ZNF248: variants seen among roughly 807,000 people sequenced by gnomAD.
ZNF248 encodes zinc finger protein 248.
A neutral mutation model predicts 44.3 loss-of-function variants in ZNF248; 20 were observed. The ratio of observed to expected loss-of-function variants is 0.45; its 90% CI spans 0.32 to 0.66. The LOEUF is 0.66. Ranked by LOEUF, ZNF248 falls within the 30% of genes least tolerant of loss-of-function variation. The probability of loss-of-function intolerance (pLI) is 0.04; values close to 1 mark genes in which losing one functional copy is unlikely to be tolerated. For missense variants in ZNF248, 654 were observed against 677.0 expected, an observed-to-expected ratio of 0.97 and a Z score of 0.38; for synonymous variants, 224 against 229.0, an observed-to-expected ratio of 0.98 and a Z score of 0.20.
intron 3 of ZNF248, among the ~76,000 whole-genome samples, chr10:37,843,049 C>T (rs1447323194): frequency 6.6e-6 from 1 of 152,166 alleles, no homozygotes; most frequent in Middle Eastern, 3.2e-3. Flanking sequence ...TTGTCTTTAT[C>T]ACCAGGGATT....
intron 6 of ZNF248, among the ~76,000 whole-genome samples, chr10:37,810,743 A>G (rs2051356101): frequency 6.6e-6 from 1 of 152,224 alleles, no homozygotes; most frequent in Non-Finnish European, 1.5e-5. Flanking sequence ...AATTTATTAA[A>G]ACATACACAA....
intron 6 of ZNF248, among the ~76,000 whole-genome samples, chr10:37,790,210 G>T (rs2048334938): frequency 6.6e-6 from 1 of 150,618 alleles, no homozygotes. Flanking sequence ...GGCGGAGCTT[G>T]CAGTGAGCCG....
In ZNF248 at chr10:37,845,293, C is replaced by T. The variant is rs567479992; in HGVS notation, c.16-7182G>A. 1.2e-4 allele frequency among the ~76,000 whole-genome samples: 18 copies of T among 151,420 alleles called. No individual in the cohort carries two copies. The South Asian group carries it at 1.7e-3, about 14-fold the overall frequency. Reference sequence around the variant, plus strand: ...TTAGCCTTCCAAAGTGCTGGGATTACGGGCAAGAGCCACCATGCTCGGCCA... The same window carrying T: ...TTAGCCTTCCAAAGTGCTGGGATTATGGGCAAGAGCCACCATGCTCGGCCA... On this transcript the variant is annotated intron_variant, in intron 3 of 5. Transcript: ENST00000395867.
chr10:37,834,594 A>C (rs2056697346), intron 5 of ZNF248, among the ~76,000 whole-genome samples: 2 of 152,186 alleles, frequency 1.3e-5, no homozygotes, highest in Non-Finnish European at 2.9e-5. Flanking sequence ...TCTCAATGCA[A>C]AAAGAAACCC....
downstream of ZNF248, among the ~76,000 whole-genome samples, chr10:37,824,574 T>C (rs2054034381): frequency 6.6e-6 from 1 of 150,532 alleles, no homozygotes; most frequent in African/African-American, 2.4e-5. Context: ...TATGGAAATA[T>C]AAAATTTAAA....
At position 37,856,420 on chromosome 10, in the gene ZNF248, A is replaced by G; in HGVS notation, c.-28+15T>C. On this transcript the variant is annotated intron_variant, in intron 2 of 5. Transcript: ENST00000395867. Reference sequence around the variant, plus strand: ...GATTCACCTGCCTATACAGGTCCACACACAAGATACTTACGTGTCCATGTG... The same window carrying G: ...GATTCACCTGCCTATACAGGTCCACGCACAAGATACTTACGTGTCCATGTG... The G allele has an allele frequency of 6.4e-7, 1 of 1,550,426 alleles. No individual in the cohort carries two copies. Among genetic ancestry groups the G allele is most frequent in the Admixed American group, 1.9e-5 (1 of 51,952 alleles).
At chr10:37,777,985 G>T (rs1461928147) in intron 6 of ZNF248, among the ~76,000 whole-genome samples, 2 of 151,800 alleles carry the variant, frequency 1.3e-5, no homozygotes, top group Non-Finnish European at 2.9e-5. Context: ...GAATAGTGCT[G>T]CAATAAACAT....
chr10:37,776,319 C>G (rs918242044), downstream of ZNF248: 4 of 347,306 alleles, frequency 1.2e-5, no homozygotes, highest in Non-Finnish European at 2.1e-5. Flanking sequence ...TGGTCCAAAC[C>G]TTTCATCATA....
chr10:37,821,867 T>C (rs907089858), intron 6 of ZNF248, among the ~76,000 whole-genome samples: 1 of 152,150 alleles, frequency 6.6e-6, no homozygotes, highest in Admixed American at 6.5e-5. Context: ...ACCACTGAAC[T>C]CCCCTCAAAC....
chr10:37,821,844 G>C (rs2053523312), intron 6 of ZNF248, among the ~76,000 whole-genome samples: 1 of 152,108 alleles, frequency 6.6e-6, no homozygotes, highest in African/African-American at 2.4e-5. Context: ...TCTTTTCTCT[G>C]TAACTACCAA....
chr10:37,829,811 C>T lies in ZNF248; in HGVS notation c.*1804G>A, dbSNP rs1002157976. 4.1e-6 allele frequency: 4 copies of T among 985,306 alleles called. No homozygotes were observed. The African/African-American group carries it at 7.0e-5, about 17-fold the overall frequency. The allele number at this position is 985,306 out of a possible 1,614,324, so 61.0% of individuals were successfully genotyped here. A position where few individuals can be genotyped will look rare whatever the true frequency, so the allele number is the denominator to read the frequency against. ...TCTTTCCCAGAAGTACTACACAATA[C>T]TTCCCAAACATCTCATTGCTCCCAA... On this transcript the variant is annotated 3_prime_UTR_variant, in exon 6 of 6. Coordinates refer to ENST00000395867, the MANE Select transcript of ZNF248 (RefSeq NM_021045.3).
intron 6 of ZNF248, among the ~76,000 whole-genome samples, chr10:37,777,715 G>C (rs557682058): frequency 7.9e-6 from 1 of 125,862 alleles, no homozygotes; most frequent in South Asian, 2.5e-4. Context: ...TCCCCAGAGT[G>C]TGATATTCCC....
At chr10:37,812,764 T>A (rs1441452832) in intron 6 of ZNF248, among the ~76,000 whole-genome samples, 1 of 150,852 alleles carries the variant, frequency 6.6e-6, no homozygotes, top group Non-Finnish European at 1.5e-5. Flanking sequence ...AACTTTAAGG[T>A]TCATTACAAT....
intron 3 of ZNF248, among the ~76,000 whole-genome samples, chr10:37,848,073 C>T (rs2059619812): frequency 6.6e-6 from 1 of 151,358 alleles, no homozygotes; most frequent in Admixed American, 6.6e-5. Context: ...GAGTTTGAGA[C>T]CAGCCTAGCC....
chr10:37,804,097 T>C (rs1564495980), intron 6 of ZNF248, among the ~76,000 whole-genome samples: 2 of 47,562 alleles, frequency 4.2e-5, no homozygotes, highest in Non-Finnish European at 8.1e-5. Context: ...TCCTTTTTCT[T>C]TTTCTTTTTT....
At chr10:37,820,200 T>C (rs551022601) in intron 6 of ZNF248, 6 of 1,279,774 alleles carry the variant, frequency 4.7e-6, no homozygotes, top group East Asian at 2.3e-5. Context: ...AGATATTTTT[T>C]ATATTGTGAG....
chr10:37,840,676 G>T (rs570479360), intron 3 of ZNF248, among the ~76,000 whole-genome samples: 1 of 152,070 alleles, frequency 6.6e-6, no homozygotes, highest in Non-Finnish European at 1.5e-5. Context: ...CCAGCTACTC[G>T]GGAGGCTGAG....
At chr10:37,782,467 G>A (rs1450342734) in intron 6 of ZNF248, among the ~76,000 whole-genome samples, 1 of 152,066 alleles carries the variant, frequency 6.6e-6, no homozygotes, top group Non-Finnish European at 1.5e-5. Context: ...GGGGTTGGGG[G>A]GCAGAGGGCA....
intron 6 of ZNF248, among the ~76,000 whole-genome samples, chr10:37,813,088 A>G (rs1294360023): frequency 6.6e-6 from 1 of 152,002 alleles, no homozygotes; most frequent in Admixed American, 6.6e-5. Context: ...GATCTTGGAG[A>G]AATTCAAGAT....
Sources: allele counts gnomAD v4.1 joint callset (sites outside exome capture counted in the v4.1 genomes callset), GRCh38; gene constraint gnomAD v4.1.1; transcripts MANE v1.5; gene names NCBI Gene and HGNC (gene_info 2026-07-23, HGNC 2026-07-21).